DAB2IP: variants seen among roughly 807,000 people sequenced by gnomAD.
DAB2IP encodes the protein DAB2 interacting protein.
A neutral mutation model predicts 107.2 loss-of-function variants in DAB2IP; 28 were observed. The ratio of observed to expected loss-of-function variants is 0.26; its 90% CI spans 0.19 to 0.36. DAB2IP has a LOEUF of 0.36. Ranked by LOEUF, DAB2IP falls within the 10% of genes least tolerant of loss-of-function variation. The probability of loss-of-function intolerance (pLI) is 1.00; values close to 1 mark genes in which losing one functional copy is unlikely to be tolerated. For missense variants in DAB2IP, 1,400 were observed against 1,644.7 expected (o/e 0.85, Z 2.57); for synonymous variants, 755 against 706.4 (o/e 1.07, Z -1.09).
Position 121,634,239 on chromosome 9 carries a change from A to G in DAB2IP, c.41-44439A>G, listed in dbSNP as rs1047101522. 7.2e-5 allele frequency among the ~76,000 whole-genome samples: 11 copies of G among 152,266 alleles called. No individual in the cohort carries two copies. The East Asian group carries it at 1.9e-3, about 27-fold the overall frequency. ...AGGAGCTGAATGGCCTGGCTTCCCA[A>G]TGACAACATGGGAATCCTGTGCTTT... is the stretch of plus-strand genomic sequence containing the variant. On this transcript the variant is annotated intron_variant, in intron 1 of 16. Transcript: ENST00000259371. The surrounding 1 kb of genome is among the most constrained non-coding windows in gnomAD (Gnocchi z 4.7).
intron 1 of DAB2IP, among the ~76,000 whole-genome samples, chr9:121,636,800 G>A (rs148116428): frequency 2.0e-5 from 3 of 152,288 alleles, no homozygotes; most frequent in East Asian, 1.9e-4. Context: ...AAAATGACAC[G>A]GTGCAGGACT....
At chr9:121,757,304 A>G in intron 4 of DAB2IP, 138 bp downstream of exon 4, 1 of 1,150,926 alleles carries the variant, frequency 8.7e-7, no homozygotes, top group Non-Finnish European at 1.2e-6. Context: ...GCTAGTAGTT[A>G]CCGATAGCTT....
At chr9:121,630,761 C>T (rs1831846520) in intron 1 of DAB2IP, among the ~76,000 whole-genome samples, 1 of 151,860 alleles carries the variant, frequency 6.6e-6, no homozygotes, top group South Asian at 2.1e-4. Flanking sequence ...GTGTGCACCA[C>T]TACACCCAGC....
chr9:121,634,374 GT>G lies in DAB2IP; in HGVS notation c.41-44297del, dbSNP rs879768027. On this transcript the variant is annotated intron_variant, in intron 1 of 16. Transcript: ENST00000259371. This position sits in a 1 kb window ranked among gnomAD's most constrained non-coding sequence, Gnocchi z 4.7. ...TAGTTCTGACATTTCACAAGCCTTT[GT>G]TTTTTTCTGAATCTGCTCAAAGTCC... Among the ~76,000 whole-genome samples, 1 of 152,192 alleles carries G rather than the reference GT, an allele frequency of 6.6e-6. No individual in the cohort carries two copies. The highest frequency in any genetic ancestry group is 1.5e-5 in the Non-Finnish European group (1 of 68,036).
intron 3 of DAB2IP, among the ~76,000 whole-genome samples, chr9:121,707,289 C>A (rs114953917): frequency 6.6e-6 from 1 of 152,260 alleles, no homozygotes; most frequent in South Asian, 2.1e-4. Context: ...TTAGAGGTTG[C>A]GCAAAAGGCA....
At chr9:121,720,248 T>C (rs970586680) in intron 3 of DAB2IP, among the ~76,000 whole-genome samples, 10 of 152,154 alleles carry the variant, frequency 6.6e-5, no homozygotes, top group South Asian at 6.2e-4. Context: ...GTGTGCCTCA[T>C]TGAGTGGCAG....
exon 16 of DAB2IP, chr9:121,783,044 C>G: frequency 9.7e-7 from 1 of 1,032,920 alleles, no homozygotes; most frequent in Admixed American, 5.0e-5. Flanking sequence ...GTCAGTGTCC[C>G]CTGCCTGTCT....
chr9:121,769,480 G>T, intron 10 of DAB2IP, among the ~76,000 whole-genome samples: 1 of 152,192 alleles, frequency 6.6e-6, no homozygotes, highest in South Asian at 2.1e-4. Context: ...GGGCCTCTTT[G>T]CTTGTCAGTG....
chr9:121,609,348 C>T (rs904414654), intron 1 of DAB2IP, among the ~76,000 whole-genome samples: 3 of 152,224 alleles, frequency 2.0e-5, no homozygotes, highest in Non-Finnish European at 4.4e-5. Context: ...AGTTCTAGCC[C>T]GACCTGACTC....
chr9:121,641,998 TC>T (rs1456517718), intron 1 of DAB2IP, among the ~76,000 whole-genome samples: 996 of 14,868 alleles, frequency 0.067, 30 homozygotes, highest in African/African-American at 0.2. Context: ...CTTTCCTTTC[TC>T]TCTCTCTCTC....
At chr9:121,602,355 C>T (rs186841382) in intron 1 of DAB2IP, among the ~76,000 whole-genome samples, 84 of 152,200 alleles carry the variant, frequency 5.5e-4, no homozygotes, top group African/African-American at 1.8e-3. Context: ...CTGGCCTCTG[C>T]TTTCTAGGAT....
At chr9:121,761,267 T>C (rs1445841816) in intron 6 of DAB2IP, among the ~76,000 whole-genome samples, 1 of 152,220 alleles carries the variant, frequency 6.6e-6, no homozygotes, top group African/African-American at 2.4e-5. Flanking sequence ...TTCAGGAAGC[T>C]GGCCAAAGAG....
intron 1 of DAB2IP, among the ~76,000 whole-genome samples, chr9:121,628,135 C>A (rs910313151): frequency 5.3e-5 from 8 of 152,240 alleles, no homozygotes; most frequent in Non-Finnish European, 1.2e-4. Flanking sequence ...GGGCCTGGCA[C>A]TTCTCTGAGT....
intron 1 of DAB2IP, among the ~76,000 whole-genome samples, chr9:121,644,109 C>T (rs972074325): frequency 3.3e-4 from 50 of 151,354 alleles, no homozygotes; most frequent in Non-Finnish European, 1.8e-4. Context: ...CATTCGAGGT[C>T]GCAGTGAGCT....
At chr9:121,689,571 T>C (rs1564158178) in intron 2 of DAB2IP, among the ~76,000 whole-genome samples, 1 of 151,946 alleles carries the variant, frequency 6.6e-6, no homozygotes, top group Non-Finnish European at 1.5e-5. Flanking sequence ...TCCTGTTTTT[T>C]CCTTGGTGGC....
chr9:121,603,103 T>C lies in DAB2IP; in HGVS notation c.40+35875T>C, dbSNP rs570998661. ...ACACCTTCTTCCTCCATCCTCCTAC[T>C]GTGGCCTCTGGCCCTCCCAGCCAGA... On this transcript the variant is annotated intron_variant, in intron 1 of 16. Transcript: ENST00000259371. 2.0e-5 allele frequency among the ~76,000 whole-genome samples: 3 copies of C among 152,324 alleles called. No individual in the cohort carries two copies. The South Asian group carries it at 6.2e-4, about 32-fold the overall frequency.
intron 1 of DAB2IP, among the ~76,000 whole-genome samples, chr9:121,588,207 T>G (rs989995233): frequency 6.6e-6 from 1 of 152,126 alleles, no homozygotes; most frequent in East Asian, 1.9e-4. Context: ...CGTGAGTCCT[T>G]CCATTTCCTG....
chr9:121,765,787 C>T (rs1223517587), intron 8 of DAB2IP, among the ~76,000 whole-genome samples: 1 of 152,168 alleles, frequency 6.6e-6, no homozygotes, highest in African/African-American at 2.4e-5. Context: ...CCATGGCAGG[C>T]CAGGATGCCC....
intron 2 of DAB2IP, among the ~76,000 whole-genome samples, chr9:121,693,331 C>G (rs1829254311): frequency 6.6e-6 from 1 of 152,146 alleles, no homozygotes; most frequent in Admixed American, 6.5e-5. Context: ...CAGCCCTTTT[C>G]TAGTGCCCCC....
Sources: gnomAD v4.1 joint callset for allele counts (sites outside exome capture counted in the v4.1 genomes callset) on GRCh38, gnomAD v4.1.1 for gene constraint, Gnocchi (gnomAD v3.1) non-coding constraint, MANE v1.5 for transcripts, NCBI Gene and HGNC (gene_info 2026-07-23, HGNC 2026-07-21) for gene names.